Variants in PRKCB observed in about 807,000 individuals in gnomAD.
The protein encoded by PRKCB is protein kinase C beta.
PRKCB carries 13 observed loss-of-function variants against 81.5 expected under a neutral mutation model. The observed-to-expected ratio is 0.16, with a 90% CI of 0.10 to 0.25. PRKCB has a LOEUF of 0.25. Among genes scored for constraint, PRKCB ranks in the 10% least tolerant of loss-of-function variants. The pLI is 1.00. For missense variants in PRKCB, 509 were observed against 875.7 expected, an observed-to-expected ratio of 0.58 and a Z score of 5.29; for synonymous variants, 335 against 321.4, an observed-to-expected ratio of 1.04 and a Z score of -0.45.
rs66774780 is a variant in PRKCB at position 23,859,886 on chromosome 16, A to AGG, written c.205+22481_205+22482insGG. Among the ~76,000 whole-genome samples, 55 of 32,800 alleles carry AGG rather than the reference A, an allele frequency of 1.7e-3. No homozygotes were observed. The East Asian group carries it at 0.047, about 28-fold the overall frequency. The allele number at this position is 32,800 out of a possible 152,430, so 21.5% of individuals were successfully genotyped here. ...AGCATTAGGAGAGAGAGAGAGAGAA[A>AGG]GAGAGAGAGAGAAAGAGAGAGAGCG... On this transcript the variant is annotated intron_variant, in intron 2 of 16. Coordinates refer to ENST00000643927, the MANE Select transcript of PRKCB (RefSeq NM_002738.7).
chr16:24,189,882 C>A (rs971699056), intron 15 of PRKCB, among the ~76,000 whole-genome samples: 1 of 152,170 alleles, frequency 6.6e-6, no homozygotes, highest in Non-Finnish European at 1.5e-5. Context: ...ATGGGCTTCT[C>A]AATGTGATGT....
chr16:24,045,184 CA>C (rs1965748934), intron 5 of PRKCB, among the ~76,000 whole-genome samples: 1 of 145,498 alleles, frequency 6.9e-6, no homozygotes, highest in African/African-American at 2.5e-5. Context: ...ACAACAATAG[CA>C]GAAAAAAAAA....
At chr16:23,874,287 A>C (rs8044732) in intron 2 of PRKCB, among the ~76,000 whole-genome samples, 1 of 152,198 alleles carries the variant, frequency 6.6e-6, no homozygotes, top group African/African-American at 2.4e-5. Flanking sequence ...GCCTTATAAA[A>C]CACAAATTCT....
intron 2 of PRKCB, among the ~76,000 whole-genome samples, chr16:23,976,502 A>G (rs1471419018): frequency 6.6e-6 from 1 of 152,134 alleles, no homozygotes; most frequent in Non-Finnish European, 1.5e-5. Context: ...CCACCCTTAG[A>G]GCCAGAGGAT....
chr16:24,029,224 A>T (rs932980109), intron 3 of PRKCB, among the ~76,000 whole-genome samples: 1 of 152,132 alleles, frequency 6.6e-6, no homozygotes, highest in Non-Finnish European at 1.5e-5. Flanking sequence ...TAGGTATGTG[A>T]TATGGTTAGG....
intron 3 of PRKCB, among the ~76,000 whole-genome samples, chr16:23,995,596 A>T (rs946482815): frequency 6.6e-6 from 1 of 152,166 alleles, no homozygotes; most frequent in African/African-American, 2.4e-5. Context: ...ATTGCTCTTC[A>T]TTAACTGGGT....
rs117021607 is a variant in PRKCB, at chr16:24,173,187, T to C, written c.1331+826T>C. 1.6e-4 allele frequency among the ~76,000 whole-genome samples: 25 copies of C among 152,322 alleles called. No homozygotes were observed. The East Asian group carries it at 4.6e-3, about 28-fold the overall frequency. On this transcript the variant is annotated intron_variant, in intron 11 of 16. Coordinates refer to ENST00000643927, the MANE Select transcript of PRKCB (RefSeq NM_002738.7). ...TGGTTCCTGTGATGGGGAGACTGAT[T>C]CTGGGTTGTTGGAAATGTGTTTCCT... is the stretch of plus-strand genomic sequence containing the variant.
chr16:24,091,787 A>G (rs1248021259), intron 5 of PRKCB, among the ~76,000 whole-genome samples: 1 of 151,824 alleles, frequency 6.6e-6, no homozygotes. Flanking sequence ...ATTTTTTTGT[A>G]TTGTTAGTAG....
chr16:24,035,395 C>T (rs371416943), intron 4 of PRKCB, 24 bp from the exon 5 acceptor site: 1 of 1,611,168 alleles, frequency 6.2e-7, no homozygotes, highest in African/African-American at 1.3e-5. Context: ...GCCTAAGCCA[C>T]ATCCCCTCTC....
intron 3 of PRKCB, among the ~76,000 whole-genome samples, chr16:24,025,524 G>A (rs1965467028): frequency 6.6e-6 from 1 of 152,176 alleles, no homozygotes; most frequent in Non-Finnish European, 1.5e-5. Context: ...TATGCCCTGA[G>A]AGTATAATGA....
chr16:24,115,236 C>T (rs997471632), intron 8 of PRKCB, among the ~76,000 whole-genome samples: 8 of 149,070 alleles, frequency 5.4e-5, no homozygotes, highest in African/African-American at 1.7e-4. Flanking sequence ...AGGACTTTAG[C>T]ATTTATCCCA....
chr16:23,891,662 CT>C (rs1384046574), intron 2 of PRKCB, among the ~76,000 whole-genome samples: 1 of 152,054 alleles, frequency 6.6e-6, no homozygotes, highest in Non-Finnish European at 1.5e-5. Flanking sequence ...AAGGGTGAGG[CT>C]TGAGTGTTCA....
At chr16:23,987,781 G>C (rs1378632554) in intron 2 of PRKCB, among the ~76,000 whole-genome samples, 1 of 152,086 alleles carries the variant, frequency 6.6e-6, no homozygotes, top group Non-Finnish European at 1.5e-5. Flanking sequence ...CACCAAGACT[G>C]TAAAAGATGA....
intron 5 of PRKCB, among the ~76,000 whole-genome samples, chr16:24,054,995 C>T (rs907017949): frequency 5.3e-5 from 8 of 152,200 alleles, no homozygotes; most frequent in African/African-American, 1.9e-4. Flanking sequence ...CAGGATCATT[C>T]GCCACAAACC....
intron 2 of PRKCB, among the ~76,000 whole-genome samples, chr16:23,888,629 C>T (rs779912104): frequency 4.6e-5 from 7 of 152,012 alleles, no homozygotes; most frequent in South Asian, 2.1e-4. Flanking sequence ...TGGCCATAAC[C>T]GCTAGTTTAT....
At chr16:23,946,346 A>G (rs1160197841) in intron 2 of PRKCB, among the ~76,000 whole-genome samples, 2 of 152,162 alleles carry the variant, frequency 1.3e-5, no homozygotes, top group Non-Finnish European at 2.9e-5. Flanking sequence ...GTCACCAGGT[A>G]CCCTGAAGTG....
At chr16:24,088,016 G>A (rs1265878195) in intron 5 of PRKCB, among the ~76,000 whole-genome samples, 1 of 152,146 alleles carries the variant, frequency 6.6e-6, no homozygotes, top group East Asian at 1.9e-4. Context: ...GTACCATCTG[G>A]GCTGGCTGAG....
chr16:24,020,234 T>C (rs1242872989), intron 3 of PRKCB, among the ~76,000 whole-genome samples: 1 of 152,232 alleles, frequency 6.6e-6, no homozygotes, highest in Non-Finnish European at 1.5e-5. Flanking sequence ...AAAAGGCAGT[T>C]TGCATATTGA....
chr16:24,028,241 A>G (rs1965507682), intron 3 of PRKCB, among the ~76,000 whole-genome samples: 1 of 152,078 alleles, frequency 6.6e-6, no homozygotes. Context: ...GGTGCATGCC[A>G]CTATGCCCAG....
Sources: gnomAD v4.1 joint callset for allele counts (sites outside exome capture counted in the v4.1 genomes callset) on GRCh38, gnomAD v4.1.1 for gene constraint, MANE v1.5 for transcripts, NCBI Gene and HGNC (gene_info 2026-07-23, HGNC 2026-07-21) for gene names.